The following PPIL6 variants were observed in gnomAD, a reference collection of about 807,000 sequenced individuals.
PPIL6 encodes peptidylprolyl isomerase like 6, also known as probable inactive peptidyl-prolyl cis-trans isomerase-like 6.
A neutral mutation model predicts 36.8 loss-of-function variants in PPIL6; 39 were observed. The observed-to-expected ratio is 1.06, with a 90% confidence interval of 0.82 to 1.38. The LOEUF (loss-of-function observed/expected upper bound fraction) is 1.38. PPIL6 is among the 40% of genes most tolerant of loss of function. The pLI is 0.00. For missense variants in PPIL6, 368 were observed against 379.1 expected (o/e 0.97, Z 0.24); for synonymous variants, 123 against 134.1 (o/e 0.92, Z 0.57).
At chr6:109,406,904 G>A (rs1376723648) in intron 6 of PPIL6, among the ~76,000 whole-genome samples, 1 of 152,100 alleles carries the variant, frequency 6.6e-6, no homozygotes, top group Non-Finnish European at 1.5e-5. Context: ...TGGCTCCTGA[G>A]GCCTTTTGAC....
intron 7 of PPIL6, among the ~76,000 whole-genome samples, chr6:109,393,943 C>T (rs1051271401): frequency 6.6e-6 from 1 of 152,200 alleles, no homozygotes; most frequent in Non-Finnish European, 1.5e-5. Flanking sequence ...TTGTATGCTT[C>T]TTTGATTGAT....
chr6:109,422,867 A>G (rs1211293216), intron 5 of PPIL6, among the ~76,000 whole-genome samples: 1 of 152,228 alleles, frequency 6.6e-6, no homozygotes, highest in African/African-American at 2.4e-5. Flanking sequence ...GAAATGTTTT[A>G]TGAGTTATAA....
chr6:109,440,553 C>G lies in PPIL6; in HGVS notation c.38G>C (p.Arg13Thr). The change falls in exon 1 of 8, where the codon AGG becomes ACG. Residue 13 changes from arginine to threonine, a missense_variant. Arg to Thr is a moderately conservative substitution (Grantham distance 71). Transcript: ENST00000521072. Reference protein sequence around the residue: ...RPQPCGPPHARCGSPSLPERP... With the variant: ...RPQPCGPPHATCGSPSLPERP... Reference sequence around the variant, plus strand: ...CTCCGGCAGCGACGGCGAGCCGCACCTAGCGTGCGGGGGCCCGCACGGCTG... The same window carrying G: ...CTCCGGCAGCGACGGCGAGCCGCACGTAGCGTGCGGGGGCCCGCACGGCTG... 1.4e-6 allele frequency: 2 copies of G among 1,478,998 alleles called. No individual in the cohort carries two copies. Among genetic ancestry groups the G allele is most frequent in the East Asian group, 2.8e-5 (1 of 35,722 alleles). 91.6% of individuals were successfully genotyped at this position (1,478,998 alleles called of 1,614,324 possible).
chr6:109,392,871 T>TG lies in PPIL6; in HGVS notation c.890dup (p.Ile298AsnfsTer5), dbSNP rs1235315834. On this transcript the variant is annotated frameshift_variant, in exon 8 of 8. Coordinates refer to ENST00000521072, the MANE Select transcript of PPIL6 (RefSeq NM_173672.5). LOFTEE classifies it low-confidence loss of function (END_TRUNC). ...TGTCAGTAATTCTACACATATGTAT[T>TG]GGTCTTTCATTCTGTGTTGGAACTA... is the stretch of plus-strand genomic sequence containing the variant. The TG allele has an allele frequency of 8.7e-6, 14 of 1,608,694 alleles. No homozygotes were observed. Among genetic ancestry groups the TG allele is most frequent in the African/African-American group, 1.3e-5 (1 of 74,806 alleles).
At chr6:109,395,835 T>C (rs913119028) in intron 7 of PPIL6, among the ~76,000 whole-genome samples, 5 of 146,764 alleles carry the variant, frequency 3.4e-5, no homozygotes, top group African/African-American at 1.3e-4. Context: ...CGATCTCTTT[T>C]TTTTTTTTTT....
At chr6:109,440,176 A>G (rs1582617152) in intron 1 of PPIL6, 1 of 517,940 alleles carries the variant, frequency 1.9e-6, no homozygotes, top group Non-Finnish European at 3.7e-6. Flanking sequence ...CTCGGAGGGG[A>G]TTACCTTATC....
intron 2 of PPIL6, 48 bp from the exon 3 acceptor site, chr6:109,431,393 G>C: frequency 2.1e-6 from 3 of 1,404,390 alleles, no homozygotes; most frequent in African/African-American, 1.5e-5. Context: ...GAAGTGGGGG[G>C]AAAACTTGCT....
chr6:109,417,351 C>T (rs1421086832), intron 6 of PPIL6, among the ~76,000 whole-genome samples: 2 of 149,146 alleles, frequency 1.3e-5, no homozygotes, highest in East Asian at 3.9e-4. Context: ...AGTTCAAGTC[C>T]AGCTTGGGGA....
At chr6:109,405,332 AG>A (rs1463366177) in intron 6 of PPIL6, among the ~76,000 whole-genome samples, 2 of 152,166 alleles carry the variant, frequency 1.3e-5, no homozygotes, top group Non-Finnish European at 2.9e-5. Context: ...TAAGCACTAT[AG>A]TTTAGTCTTT....
intron 7 of PPIL6, among the ~76,000 whole-genome samples, chr6:109,396,634 T>C (rs1254789341): frequency 6.6e-6 from 1 of 152,096 alleles, no homozygotes. Flanking sequence ...CATGAAACTT[T>C]CCATGACCCC....
chr6:109,393,033 A>C, intron 7 of PPIL6, 96 bp from the exon 8 acceptor site: 1 of 681,766 alleles, frequency 1.5e-6, no homozygotes, highest in South Asian at 1.8e-5. Flanking sequence ...TATAGCTAAG[A>C]CTATTTCCTA....
chr6:109,416,289 G>T (rs1381284610), intron 6 of PPIL6, among the ~76,000 whole-genome samples: 6 of 142,044 alleles, frequency 4.2e-5, no homozygotes, highest in African/African-American at 1.6e-4. Context: ...TGCAACCTCT[G>T]CCTCCCGAGT....
intron 6 of PPIL6, among the ~76,000 whole-genome samples, chr6:109,414,581 C>T (rs1482522231): frequency 6.8e-6 from 1 of 147,606 alleles, no homozygotes; most frequent in Non-Finnish European, 1.5e-5. Flanking sequence ...GCCTCCCAGG[C>T]TCAAGCAATC....
At chr6:109,430,495 C>T (rs563605717) in intron 3 of PPIL6, among the ~76,000 whole-genome samples, 14 of 151,818 alleles carry the variant, frequency 9.2e-5, no homozygotes, top group African/African-American at 2.9e-4. Flanking sequence ...GGTGCGATCT[C>T]GGCTCACTGC....
intron 6 of PPIL6, among the ~76,000 whole-genome samples, chr6:109,411,504 C>T (rs1238310054): frequency 6.6e-6 from 1 of 152,210 alleles, no homozygotes; most frequent in African/African-American, 2.4e-5. Flanking sequence ...TTCAAAAGAT[C>T]TATGAACAAG....
At chr6:109,437,124 T>C (rs1211886391) in intron 1 of PPIL6, among the ~76,000 whole-genome samples, 1 of 152,202 alleles carries the variant, frequency 6.6e-6, no homozygotes, top group Non-Finnish European at 1.5e-5. Flanking sequence ...TCAGAGAAAA[T>C]TCTTATTGGT....
At chr6:109,440,371 CGAGGAG>C in intron 1 of PPIL6, 79 bp downstream of exon 1, 1 of 1,475,690 alleles carries the variant, frequency 6.8e-7, no homozygotes, top group Non-Finnish European at 9.1e-7. Flanking sequence ...CCCGCCGCCT[CGAGGAG>C]GCGCGGCGCC....
intron 6 of PPIL6, among the ~76,000 whole-genome samples, chr6:109,404,629 A>G (rs998500605): frequency 2.0e-5 from 3 of 152,198 alleles, no homozygotes; most frequent in African/African-American, 7.2e-5. Flanking sequence ...GTGAGCACCT[A>G]CTTTGGAGTT....
rs757396601 is a variant in PPIL6 at position 109,413,381 on chromosome 6, T to A, written c.688+5806A>T. ...AAAAGGTGCTCAACACCACTGATCA[T>A]CAGAGAAACGTAAACCCAAACTACA... is the stretch of plus-strand genomic sequence containing the variant. On this transcript the variant is annotated intron_variant, in intron 6 of 7. Coordinates refer to ENST00000521072, the MANE Select transcript of PPIL6 (RefSeq NM_173672.5). This position sits in a 1 kb window ranked among gnomAD's most constrained non-coding sequence, Gnocchi z 4.6. 6.6e-6 allele frequency among the ~76,000 whole-genome samples: 1 copy of A among 152,128 alleles called. No individual in the cohort carries two copies. Among genetic ancestry groups the A allele is most frequent in the Non-Finnish European group, 1.5e-5 (1 of 68,016 alleles).
Sources: allele counts gnomAD v4.1 joint callset (sites outside exome capture counted in the v4.1 genomes callset), GRCh38; gene constraint gnomAD v4.1.1; non-coding constraint Gnocchi (gnomAD v3.1); transcripts MANE v1.5; gene names NCBI Gene and HGNC (gene_info 2026-07-23, HGNC 2026-07-21).